POLH: variants seen among roughly 807,000 people sequenced by gnomAD.
The protein encoded by POLH is DNA polymerase eta.
In POLH, 53 loss-of-function variants were observed where a neutral mutation model predicts 73.6. The ratio of observed to expected loss-of-function variants is 0.72; its 90% CI spans 0.58 to 0.91. The LOEUF is 0.91. Ranked by LOEUF, POLH falls within the 40% of genes least tolerant of loss-of-function variation. The probability of loss-of-function intolerance (pLI) is 0.00; values close to 1 mark genes in which losing one functional copy is unlikely to be tolerated. For missense variants in POLH, 768 were observed against 865.4 expected (o/e 0.89, Z 1.41); for synonymous variants, 292 against 308.5 (o/e 0.95, Z 0.56).
In POLH at chr6:43,614,829, G is replaced by A. The variant is rs1407099115; in HGVS notation, c.*272G>A. On this transcript the variant is annotated 3_prime_UTR_variant, in exon 11 of 11. Transcript: ENST00000372236. Reference sequence around the variant, plus strand: ...GTGTCATAAAGTAAAAAGTGTGTGGGCCTTGGAGTCTAAGAGACGTGGTTG... The same window carrying A: ...GTGTCATAAAGTAAAAAGTGTGTGGACCTTGGAGTCTAAGAGACGTGGTTG... 7.0e-6 allele frequency: 3 copies of A among 426,330 alleles called. No homozygotes were observed. The highest frequency in any genetic ancestry group is 8.4e-6 in the Non-Finnish European group (2 of 239,308). The allele number at this position is 426,330 out of a possible 1,614,324, so 26.4% of individuals were successfully genotyped here.
At position 43,605,292 on chromosome 6, in the gene POLH, G is replaced by A; in HGVS notation, c.1047G>A (p.Glu349=). The A allele has an allele frequency of 1.9e-6, 3 of 1,598,020 alleles. No individual in the cohort carries two copies. Among genetic ancestry groups the A allele is most frequent in the Non-Finnish European group, 2.6e-6 (3 of 1,165,692 alleles). ...WWLLQLAQEL[E]ERLTKDRNDN... ...TGTTGCAATTAGCCCAGGAACTAGA[G>A]GAGAGACTGACTAAAGACCGAAATG... is the stretch of plus-strand genomic sequence containing the variant. Residue 349 remains glutamate (E), a synonymous_variant, in exon 9 of 11, where the codon GAG becomes GAA. Transcript: ENST00000372236.
intron 1 of POLH, 100 bp from the exon 2 acceptor site, chr6:43,582,216 A>C (rs1057450438): frequency 1.8e-6 from 2 of 1,084,592 alleles, no homozygotes; most frequent in African/African-American, 1.5e-5. Flanking sequence ...CCATGCTCCC[A>C]TGCTCATGGT....
In POLH at chr6:43,618,864, C is replaced by A. The variant is rs1768519415; in HGVS notation, c.*4307C>A. The stretch of plus-strand genomic sequence containing the variant: ...CAGGCTGGTCTTGAACTCTTGATCT[C>A]AAGTGATCCACCCGCCCTGGCCTCC... On this transcript the variant is annotated 3_prime_UTR_variant, in exon 11 of 11. Transcript: ENST00000372236. 6.6e-6 allele frequency among the ~76,000 whole-genome samples: 1 copy of A among 151,880 alleles called. No homozygotes were observed.
At chr6:43,603,744 C>A in intron 6 of POLH, 148 bp from the exon 7 acceptor site, 1 of 764,428 alleles carries the variant, frequency 1.3e-6, no homozygotes, top group South Asian at 1.5e-5. Context: ...CAAATTCTAA[C>A]TCCCAGAGTA....
Position 43,614,744 on chromosome 6 carries a change from T to A in POLH, c.*187T>A. 1.7e-6 allele frequency: 1 copy of A among 571,440 alleles called. No individual in the cohort carries two copies. The highest frequency in any genetic ancestry group is 3.0e-6 in the Non-Finnish European group (1 of 330,118). 35.4% of individuals were successfully genotyped at this position (571,440 alleles called of 1,614,324 possible). A position where few individuals can be genotyped will look rare whatever the true frequency, so the allele number is the denominator to read the frequency against. ...CAGGCATGGATTCTAATCCCACTGC[T>A]GACAGAGATGTAAAAATTCATCCTA... On this transcript the variant is annotated 3_prime_UTR_variant, in exon 11 of 11. Coordinates refer to ENST00000372236, the MANE Select transcript of POLH (RefSeq NM_006502.3).
intron 1 of POLH, among the ~76,000 whole-genome samples, chr6:43,581,621 G>A (rs992325682): frequency 2.3e-4 from 33 of 146,272 alleles, no homozygotes; most frequent in Non-Finnish European, 4.5e-4. Flanking sequence ...CGCCGGCGCG[G>A]CGGCAAAGAC....
intron 1 of POLH, 65 bp from the exon 2 acceptor site, chr6:43,582,251 T>C: frequency 6.9e-7 from 1 of 1,457,154 alleles, no homozygotes; most frequent in Non-Finnish European, 9.6e-7. Flanking sequence ...AGAATGGAAT[T>C]ACAGTTTTCC....
At chr6:43,597,405 G>A (rs1189248642) in intron 4 of POLH, among the ~76,000 whole-genome samples, 4 of 152,176 alleles carry the variant, frequency 2.6e-5, no homozygotes, top group African/African-American at 7.2e-5. Flanking sequence ...GTGAGCCACC[G>A]TGCCTGGCCA....
intron 5 of POLH, among the ~76,000 whole-genome samples, chr6:43,600,657 C>G (rs778016488): frequency 3.3e-5 from 5 of 152,068 alleles, no homozygotes; most frequent in Non-Finnish European, 7.4e-5. Flanking sequence ...AGAAATGCAT[C>G]TTGCTTGAGT....
intron 1 of POLH, among the ~76,000 whole-genome samples, chr6:43,577,944 C>T (rs957731731): frequency 2.0e-5 from 3 of 151,660 alleles, no homozygotes; most frequent in East Asian, 1.9e-4. Context: ...ATTAGCCGGG[C>T]GGGGTGGCAC....
Position 43,582,362 on chromosome 6 carries a change from G to C in POLH, c.43G>C (p.Asp15His). Reference protein sequence around the residue: ...QDRVVALVDMDCFFVQVEQRQ... With the variant: ...QDRVVALVDMHCFFVQVEQRQ... ...TCGAGTGGTTGCTCTCGTGGACATG[G>C]ACTGTTTTTTTGTTCAAGTGGAGCA... is the stretch of plus-strand genomic sequence containing the variant. The change falls in exon 2 of 11, where the codon GAC becomes CAC. Residue 15 changes from aspartate (D) to histidine (H), a missense_variant. Coordinates refer to ENST00000372236, the MANE Select transcript of POLH (RefSeq NM_006502.3). The C allele has an allele frequency of 1.2e-6, 2 of 1,614,124 alleles. No individual in the cohort carries two copies. Among genetic ancestry groups the C allele is most frequent in the African/African-American group, 1.3e-5 (1 of 75,048 alleles).
At chr6:43,592,404 CTTTTT>C (rs897203358) in intron 4 of POLH, among the ~76,000 whole-genome samples, 3 of 131,812 alleles carry the variant, frequency 2.3e-5, no homozygotes, top group Non-Finnish European at 3.2e-5. Flanking sequence ...TTTGTATCTT[CTTTTT>C]TTTTTTTTTT....
chr6:43,618,965 G>C lies in POLH; in HGVS notation c.*4408G>C, dbSNP rs1336281551. 6.6e-6 allele frequency among the ~76,000 whole-genome samples: 1 copy of C among 151,210 alleles called. No homozygotes were observed. The highest frequency in any genetic ancestry group is 1.5e-5 in the Non-Finnish European group (1 of 67,864). On this transcript the variant is annotated 3_prime_UTR_variant, in exon 11 of 11. Transcript: ENST00000372236. ...CTTTTTATTTTATTTATAAATTGGG[G>C]GGGGGGTTCTATATTTAGTTTGAAG...
rs886061449 is a variant in POLH at position 43,616,207 on chromosome 6, G to A, written c.*1650G>A. On this transcript the variant is annotated 3_prime_UTR_variant, in exon 11 of 11. Transcript: ENST00000372236. ...AGGCAGGAGAATGGTGTGAACCCGG[G>A]AGGCGGAGCTTGCAGTGAGCCGAGA... Among the ~76,000 whole-genome samples the A allele has an allele frequency of 3.0e-4, 44 of 145,568 alleles. No homozygotes were observed. The highest frequency in any genetic ancestry group is 5.8e-4 in the Non-Finnish European group (38 of 65,866).
In POLH at chr6:43,617,719, A is replaced by G. The variant is rs1210375796; in HGVS notation, c.*3162A>G. ...CTGAGGTGGGTGTATCACGAGGTCAAGAGATCAAGGCCATCCTGGCCAACA... is the reference window on the plus strand; with the variant it reads ...CTGAGGTGGGTGTATCACGAGGTCAGGAGATCAAGGCCATCCTGGCCAACA... On this transcript the variant is annotated 3_prime_UTR_variant, in exon 11 of 11. Transcript: ENST00000372236. Among the ~76,000 whole-genome samples the G allele has an allele frequency of 2.0e-5, 3 of 152,098 alleles. No homozygotes were observed. Among genetic ancestry groups the G allele is most frequent in the East Asian group, 1.9e-4 (1 of 5,188 alleles).
At chr6:43,597,421 G>C (rs1264076211) in intron 4 of POLH, among the ~76,000 whole-genome samples, 3 of 152,084 alleles carry the variant, frequency 2.0e-5, no homozygotes. Context: ...GGCCAAAAAT[G>C]TGTTTTAAAA....
Position 43,587,312 on chromosome 6 carries a change from C to T in POLH, c.313C>T (p.Arg105Cys), listed in dbSNP as rs1353169318. 7.4e-6 allele frequency: 12 copies of T among 1,613,984 alleles called. No homozygotes were observed. The highest frequency in any genetic ancestry group is 4.5e-5 in the East Asian group (2 of 44,898). ...ASVEVMEIMS[R>C]FAVIERASID... ...TGTTGAAGTGATGGAGATAATGTCT[C>T]GTTTTGCTGTGATTGAACGTGCCAG... Residue 105 changes from arginine (R) to cysteine (C), a missense_variant, in exon 4 of 11, where the codon CGT (arginine) becomes TGT (cysteine). Arg to Cys is a radical substitution (Grantham distance 180). Coordinates refer to ENST00000372236, the MANE Select transcript of POLH (RefSeq NM_006502.3).
At chr6:43,612,234 T>C (rs1767963521) in intron 10 of POLH, among the ~76,000 whole-genome samples, 3 of 152,068 alleles carry the variant, frequency 2.0e-5, no homozygotes, top group South Asian at 4.1e-4. Flanking sequence ...ATTGACAAAC[T>C]ATAACAAATA....
chr6:43,592,999 C>T (rs1417753866), intron 4 of POLH, among the ~76,000 whole-genome samples: 1 of 152,126 alleles, frequency 6.6e-6, no homozygotes, highest in African/African-American at 2.4e-5. Flanking sequence ...GGATTATAGG[C>T]GTGAGCCACT....
Sources: allele counts gnomAD v4.1 joint callset (sites outside exome capture counted in the v4.1 genomes callset), GRCh38; gene constraint gnomAD v4.1.1; transcripts MANE v1.5; gene names NCBI Gene and HGNC (gene_info 2026-07-23, HGNC 2026-07-21).